The following DISC1 variants were observed in gnomAD, a reference collection of about 807,000 sequenced individuals.
DISC1 encodes disrupted in schizophrenia 1 protein.
A neutral mutation model predicts 84.5 loss-of-function variants in DISC1; 57 were observed. The observed-to-expected ratio is 0.67, with a 90% CI of 0.55 to 0.84. The LOEUF (loss-of-function observed/expected upper bound fraction) is 0.84. DISC1 is among the 40% of genes least tolerant of loss of function. The probability of loss-of-function intolerance (pLI) is 0.00; values close to 1 mark genes in which losing one functional copy is unlikely to be tolerated. For missense variants in DISC1, 1,000 were observed against 1,057.8 expected, an observed-to-expected ratio of 0.95 and a Z score of 0.76; for synonymous variants, 411 against 415.2, an observed-to-expected ratio of 0.99 and a Z score of 0.12.
intron 9 of DISC1, among the ~76,000 whole-genome samples, chr1:231,836,809 A>G (rs1036467438): frequency 6.6e-6 from 1 of 152,134 alleles, no homozygotes; most frequent in African/African-American, 2.4e-5. Context: ...AAAGTGCGCT[A>G]AGCCCCGCCC....
chr1:231,643,055 C>G (rs1425597381), intron 1 of DISC1, among the ~76,000 whole-genome samples: 1 of 152,188 alleles, frequency 6.6e-6, no homozygotes, highest in African/African-American at 2.4e-5. Context: ...CACTTGTGAG[C>G]TATTTCCACC....
intron 9 of DISC1, among the ~76,000 whole-genome samples, chr1:231,925,197 C>T (rs972147747): frequency 3.3e-5 from 5 of 152,090 alleles, no homozygotes; most frequent in African/African-American, 1.2e-4. Context: ...GGCCCCAACC[C>T]GAACACAGGA....
At chr1:231,642,274 C>T (rs1041794700) in intron 1 of DISC1, among the ~76,000 whole-genome samples, 2 of 152,234 alleles carry the variant, frequency 1.3e-5, no homozygotes, top group African/African-American at 2.4e-5. Flanking sequence ...CCCCGGTTCC[C>T]GCCCGCGCCT....
At chr1:231,808,513 T>C (rs2079943399) in intron 8 of DISC1, among the ~76,000 whole-genome samples, 1 of 152,210 alleles carries the variant, frequency 6.6e-6, no homozygotes. Flanking sequence ...CATCTAGCTG[T>C]CTGTTCTGAG....
At chr1:231,700,008 A>T (rs1008593885) in intron 2 of DISC1, among the ~76,000 whole-genome samples, 3 of 152,214 alleles carry the variant, frequency 2.0e-5, no homozygotes, top group African/African-American at 7.2e-5. Context: ...TCTCCCAGAC[A>T]GCCTCGTGGT....
intron 9 of DISC1, among the ~76,000 whole-genome samples, chr1:231,863,480 C>T (rs533116250): frequency 1.3e-5 from 2 of 152,200 alleles, no homozygotes; most frequent in African/African-American, 4.8e-5. Context: ...ATTTCCTTGC[C>T]TTGGCCTCCC....
rs372543403 is a variant in DISC1 at position 231,767,410 on chromosome 1, C to T, written c.1398+141C>T. Reference sequence around the variant, plus strand: ...CTTGAGCTCCTGGGTGATTCTCCCACCTCAGCCTCCCAAGTAGCTGGATCT... The same window carrying T: ...CTTGAGCTCCTGGGTGATTCTCCCATCTCAGCCTCCCAAGTAGCTGGATCT... On this transcript the variant is annotated intron_variant, in intron 5 of 12. Transcript: ENST00000439617. 6.1e-5 allele frequency: 77 copies of T among 1,269,746 alleles called. No individual in the cohort carries two copies. In the East Asian group the frequency reaches 1.7e-3, roughly 27 times the overall value. The allele number at this position is 1,269,746 out of a possible 1,614,324, so 78.7% of individuals were successfully genotyped here. A position where few individuals can be genotyped will look rare whatever the true frequency, so the allele number is the denominator to read the frequency against.
intron 3 of DISC1, among the ~76,000 whole-genome samples, chr1:231,721,558 G>T (rs1558420621): frequency 6.6e-6 from 1 of 152,044 alleles, no homozygotes; most frequent in Non-Finnish European, 1.5e-5. Flanking sequence ...ATATCATATG[G>T]ACTTGGGGCA....
intron 1 of DISC1, among the ~76,000 whole-genome samples, chr1:231,673,085 A>G (rs2062779093): frequency 2.0e-5 from 3 of 152,154 alleles, no homozygotes; most frequent in South Asian, 2.1e-4. Flanking sequence ...GTCAGGTGCA[A>G]TGGTTCTTGG....
At chr1:231,769,258 T>G (rs893282499) in intron 5 of DISC1, among the ~76,000 whole-genome samples, 4 of 152,202 alleles carry the variant, frequency 2.6e-5, no homozygotes, top group Non-Finnish European at 5.9e-5. Flanking sequence ...CCACCCCCCC[T>G]TCTGGGTATA....
At chr1:231,857,108 A>G (rs1406365094) in intron 9 of DISC1, among the ~76,000 whole-genome samples, 2 of 152,186 alleles carry the variant, frequency 1.3e-5, no homozygotes, top group African/African-American at 4.8e-5. Context: ...GGGAATGTTC[A>G]AGGCCCTGGT....
chr1:231,695,951 G>T (rs1449595462), intron 2 of DISC1, among the ~76,000 whole-genome samples: 1 of 152,182 alleles, frequency 6.6e-6, no homozygotes, highest in Non-Finnish European at 1.5e-5. Context: ...TGAGGTCAGA[G>T]CACAGATGCA....
intron 6 of DISC1, among the ~76,000 whole-genome samples, chr1:231,789,679 A>G (rs2125582333): frequency 6.6e-6 from 1 of 152,288 alleles, no homozygotes; most frequent in Middle Eastern, 3.4e-3. Flanking sequence ...CTCCTCCTGT[A>G]TAAATGTCTC....
chr1:231,990,784 A>G (rs1665099599), intron 10 of DISC1, among the ~76,000 whole-genome samples: 1 of 152,140 alleles, frequency 6.6e-6, no homozygotes, highest in East Asian at 1.9e-4. Context: ...CTTTTTCAAC[A>G]TCAGAAACAG....
chr1:231,767,376 C>T, intron 5 of DISC1, 107 bp downstream of exon 5: 1 of 1,473,568 alleles, frequency 6.8e-7, no homozygotes, highest in African/African-American at 1.4e-5. Context: ...AATCATAGCT[C>T]ATTGCAGCCT....
chr1:231,849,333 T>A (rs2083701417), intron 9 of DISC1, among the ~76,000 whole-genome samples: 1 of 152,156 alleles, frequency 6.6e-6, no homozygotes, highest in Non-Finnish European at 1.5e-5. Context: ...TTGGTCAGGC[T>A]GGTCTTGAAC....
At chr1:231,942,724 G>A (rs1275936656) in intron 9 of DISC1, among the ~76,000 whole-genome samples, 1 of 152,098 alleles carries the variant, frequency 6.6e-6, no homozygotes, top group East Asian at 1.9e-4. Flanking sequence ...GGCCAGAGGC[G>A]CCACATTTTA....
At chr1:231,776,450 C>T (rs1411437855) in intron 6 of DISC1, among the ~76,000 whole-genome samples, 1 of 152,228 alleles carries the variant, frequency 6.6e-6, no homozygotes, top group East Asian at 1.9e-4. Context: ...GAAACAAACT[C>T]AACCCCTGGT....
At chr1:231,968,370 A>G (rs1377030375) in intron 10 of DISC1, among the ~76,000 whole-genome samples, 1 of 151,944 alleles carries the variant, frequency 6.6e-6, no homozygotes, top group Non-Finnish European at 1.5e-5. Context: ...GGACCACAAC[A>G]TGGGAGGCGG....
Sources: allele counts gnomAD v4.1 joint callset (sites outside exome capture counted in the v4.1 genomes callset), GRCh38; gene constraint gnomAD v4.1.1; transcripts MANE v1.5; gene names NCBI Gene and HGNC (gene_info 2026-07-23, HGNC 2026-07-21).